The following RNF144A variants were observed in gnomAD, a reference collection of about 807,000 sequenced individuals.
RNF144A encodes the protein ring finger protein 144A.
A neutral mutation model predicts 38.7 loss-of-function variants in RNF144A; 11 were observed. The ratio of observed to expected loss-of-function variants is 0.28; its 90% CI spans 0.18 to 0.47. The LOEUF is 0.47. RNF144A is among the 20% of genes least tolerant of loss of function. The pLI, the probability that RNF144A is intolerant of heterozygous loss-of-function variation, is 0.99. For synonymous variants in RNF144A, 149 were observed against 143.9 expected (o/e 1.04, Z -0.25); for missense variants, 316 against 377.2 (o/e 0.84, Z 1.34).
At chr2:7,070,557 T>A (rs956860631), downstream of RNF144A, among the ~76,000 whole-genome samples, 9 of 152,126 alleles carry the variant, frequency 5.9e-5, no homozygotes, top group Non-Finnish European at 1.3e-4. Context: ...GTAACCTTAT[T>A]TGGAAATAGA....
chr2:6,993,960 A>G (rs148158633), intron 2 of RNF144A, among the ~76,000 whole-genome samples: 1 of 152,190 alleles, frequency 6.6e-6, no homozygotes, highest in Non-Finnish European at 1.5e-5. Flanking sequence ...ATGAGTGGTG[A>G]TGGTGATACA....
At chr2:7,061,369 T>A (rs1203815771) in intron 6 of RNF144A, among the ~76,000 whole-genome samples, 1 of 152,244 alleles carries the variant, frequency 6.6e-6, no homozygotes, top group African/African-American at 2.4e-5. Context: ...TTTATGAATG[T>A]TCCATAGTAG....
At position 7,043,747 on chromosome 2, in the gene RNF144A, T is replaced by C. The variant is rs1673186048; in HGVS notation, c.*3987T>C. On this transcript the variant is annotated 3_prime_UTR_variant, in exon 9 of 9. Coordinates refer to ENST00000320892, the MANE Select transcript of RNF144A (RefSeq NM_014746.6). The stretch of plus-strand genomic sequence containing the variant: ...GGGTCTCCACCCTTCCTTTGATTTG[T>C]GCAATTCTGTCTTCCACAGTTCCGG... 1.0e-6 allele frequency: 1 copy of C among 985,748 alleles called. No individual in the cohort carries two copies. Among genetic ancestry groups the C allele is most frequent in the African/African-American group, 1.7e-5 (1 of 57,238 alleles). The allele number at this position is 985,748 out of a possible 1,614,324, so 61.1% of individuals were successfully genotyped here. A position where few individuals can be genotyped will look rare whatever the true frequency, so the allele number is the denominator to read the frequency against.
chr2:7,062,027 G>A (rs533369000), intron 6 of RNF144A, among the ~76,000 whole-genome samples: 3 of 152,298 alleles, frequency 2.0e-5, no homozygotes, highest in South Asian at 4.1e-4. Flanking sequence ...GTTGAGTGGT[G>A]ACCTGGGCAG....
intron 2 of RNF144A, among the ~76,000 whole-genome samples, chr2:6,952,348 A>G (rs1392194952): frequency 6.8e-6 from 1 of 146,316 alleles, no homozygotes; most frequent in Non-Finnish European, 1.5e-5. Context: ...TTTGGCCTAT[A>G]TTTTTTCTTT....
chr2:6,981,627 A>G (rs553243303), intron 2 of RNF144A, among the ~76,000 whole-genome samples: 1 of 152,328 alleles, frequency 6.6e-6, no homozygotes, highest in Admixed American at 6.5e-5. Flanking sequence ...CATTGTCGAT[A>G]CGACTGTCAG....
chr2:7,010,594 G>A (rs558069002), intron 3 of RNF144A, among the ~76,000 whole-genome samples: 13 of 152,284 alleles, frequency 8.5e-5, no homozygotes, highest in African/African-American at 1.9e-4. Context: ...CTGACGCACC[G>A]GAGGTATATT....
At chr2:6,950,135 C>A (rs574622764) in intron 2 of RNF144A, among the ~76,000 whole-genome samples, 1 of 152,256 alleles carries the variant, frequency 6.6e-6, no homozygotes, top group South Asian at 2.1e-4. Context: ...TAGCAAATAT[C>A]CTGAACCTGC....
intron 2 of RNF144A, among the ~76,000 whole-genome samples, chr2:6,968,097 A>G (rs1667784216): frequency 6.6e-6 from 1 of 152,166 alleles, no homozygotes; most frequent in African/African-American, 2.4e-5. Flanking sequence ...TTTGAATGGT[A>G]TGTCTCTTCT....
chr2:7,060,170 T>C (rs1177687308), intron 6 of RNF144A, among the ~76,000 whole-genome samples: 1 of 152,188 alleles, frequency 6.6e-6, no homozygotes, highest in African/African-American at 2.4e-5. Flanking sequence ...TCTCCTCCTC[T>C]CACTTCTCTT....
At chr2:6,928,043 G>T (rs11694683) in intron 1 of RNF144A, among the ~76,000 whole-genome samples, 43,977 of 151,988 alleles carry the variant, frequency 0.29, 6,500 homozygotes, top group Middle Eastern at 0.35. Context: ...CTGTCACTAG[G>T]CACGTCCTAC....
intron 6 of RNF144A, among the ~76,000 whole-genome samples, chr2:7,022,751 A>G (rs952955641): frequency 3.9e-5 from 6 of 152,212 alleles, no homozygotes; most frequent in African/African-American, 1.4e-4. Context: ...CATTCTCAGA[A>G]GGAGGCCAGG....
At chr2:6,920,079 T>C (rs1664435335) in intron 1 of RNF144A, among the ~76,000 whole-genome samples, 1 of 152,212 alleles carries the variant, frequency 6.6e-6, no homozygotes, top group South Asian at 2.1e-4. Context: ...CTGCTGAGGT[T>C]CAGGGGTAGA....
chr2:7,051,967 C>A (rs1336890016), intron 6 of RNF144A, among the ~76,000 whole-genome samples: 2 of 152,170 alleles, frequency 1.3e-5, no homozygotes, highest in Non-Finnish European at 2.9e-5. Flanking sequence ...CAAGGACACC[C>A]TCACCCAGGT....
intron 5 of RNF144A, among the ~76,000 whole-genome samples, chr2:7,017,857 G>T (rs1165868673): frequency 6.6e-6 from 1 of 152,252 alleles, no homozygotes; most frequent in Non-Finnish European, 1.5e-5. Flanking sequence ...GCAGTCTGCA[G>T]TCAGAGCGGC....
intron 2 of RNF144A, among the ~76,000 whole-genome samples, chr2:6,988,310 A>G (rs1669085810): frequency 6.6e-6 from 1 of 152,198 alleles, no homozygotes; most frequent in Non-Finnish European, 1.5e-5. Context: ...TTATCAACTC[A>G]GGAACCCTCT....
Position 7,020,470 on chromosome 2 carries a change from C to T in RNF144A, c.302-3C>T, listed in dbSNP as rs757523484. 11 of 1,613,250 alleles carry T rather than the reference C, an allele frequency of 6.8e-6. No homozygotes were observed. The highest frequency in any genetic ancestry group is 2.7e-5 in the African/African-American group (2 of 74,904). On this transcript the variant is annotated splice_polypyrimidine_tract_variant and splice_region_variant and intron_variant, in intron 5 of 8. Coordinates refer to ENST00000320892, the MANE Select transcript of RNF144A (RefSeq NM_014746.6). ...ATTTGTCCATTTTGTCTCACTGTAC[C>T]AGAGGTGCTGTTTGATCCCTGTCGG...
At chr2:7,016,381 T>C (rs995708394) in intron 5 of RNF144A, among the ~76,000 whole-genome samples, 80 of 152,320 alleles carry the variant, frequency 5.3e-4, no homozygotes, top group African/African-American at 1.7e-3. Context: ...AGAAACTGGC[T>C]GTTGTTTGCG....
intron 5 of RNF144A, among the ~76,000 whole-genome samples, chr2:7,017,969 C>G (rs1671249434): frequency 1.3e-5 from 2 of 152,184 alleles, no homozygotes; most frequent in African/African-American, 4.8e-5. Flanking sequence ...TTAAATCGTT[C>G]CCATGGAAAC....
Sources: allele counts gnomAD v4.1 joint callset (sites outside exome capture counted in the v4.1 genomes callset), GRCh38; gene constraint gnomAD v4.1.1; transcripts MANE v1.5; gene names NCBI Gene and HGNC (gene_info 2026-07-23, HGNC 2026-07-21).